TRPM4: variants seen among roughly 807,000 people sequenced by gnomAD.
TRPM4 encodes calcium-activated non-selective cation channel 1.
Under a neutral mutation model 135.6 loss-of-function variants are expected in TRPM4, and 124 were observed. The observed-to-expected ratio is 0.91, with a 90% CI of 0.79 to 1.06. The LOEUF (loss-of-function observed/expected upper bound fraction) is 1.06. Ranked by LOEUF, TRPM4 falls within the 50% of genes least tolerant of loss-of-function variation. The probability of loss-of-function intolerance (pLI) is 0.00; values close to 1 mark genes in which losing one functional copy is unlikely to be tolerated. For missense variants in TRPM4, 1,658 were observed against 1,671.4 expected (o/e 0.99, Z 0.14); for synonymous variants, 745 against 705.6 (o/e 1.06, Z -0.88).
chr19:49,182,895 T>C lies in TRPM4; in HGVS notation c.1581T>C (p.Pro527=). The change falls in exon 11 of 25, where the codon CCT becomes CCC. Residue 527 remains proline, a synonymous_variant. Coordinates refer to ENST00000252826, the MANE Select transcript of TRPM4 (RefSeq NM_017636.4). ...ACCCCTCCGGGGGCGCCTGGGACCC[T>C]CACCCAGGCCAGGGCTTCGGGGAGA... ...PRYPSGGAWD[P]HPGQGFGESM... is the part of the protein sequence containing the mutation. 1 of 1,599,574 alleles carries C rather than the reference T, an allele frequency of 6.3e-7. No homozygotes were observed. The highest frequency in any genetic ancestry group is 8.5e-7 in the Non-Finnish European group (1 of 1,172,798).
intron 9 of TRPM4, among the ~76,000 whole-genome samples, chr19:49,177,069 C>T (rs1600438615): frequency 6.6e-6 from 1 of 152,104 alleles, no homozygotes; most frequent in African/African-American, 2.4e-5. Context: ...ATTCCATTTC[C>T]TCTGGGGGTA....
chr19:49,211,277 TGTAGCATCAGC>T lies in TRPM4; in HGVS notation c.3640+9_3640+19del. 1 of 1,578,792 alleles carries T rather than the reference TGTAGCATCAGC, an allele frequency of 6.3e-7. No individual in the cohort carries two copies. The highest frequency in any genetic ancestry group is 8.6e-7 in the Non-Finnish European group (1 of 1,163,416). On this transcript the variant is annotated intron_variant, in intron 24 of 24. Transcript: ENST00000252826. The surrounding 1 kb of genome is among the most constrained non-coding windows in gnomAD (Gnocchi z 4.8). ...ACCTGCCTGGGTCCAAAGGTCAGTG[TGTAGCATCAGC>T]CTGTGCATCTCCAGCCTCTGTTCCT... is the stretch of plus-strand genomic sequence containing the variant.
intron 17 of TRPM4, 44 bp from the exon 18 acceptor site, chr19:49,200,256 C>G: frequency 6.2e-7 from 1 of 1,614,040 alleles, no homozygotes; most frequent in Non-Finnish European, 8.5e-7. Flanking sequence ...TTTTCCTTGG[C>G]GTCTTGTGAC....
Position 49,168,429 on chromosome 19 carries a change from A to T in TRPM4, c.612+6A>T, listed in dbSNP as rs779097169. ...ACACCCTCATCAACCCCAAGGTGTG[A>T]CCCAGGGACTTGGAAAAGGGGGCTG... On this transcript the variant is annotated splice_donor_region_variant and intron_variant, in intron 5 of 24. Coordinates refer to ENST00000252826, the MANE Select transcript of TRPM4 (RefSeq NM_017636.4). 1.2e-6 allele frequency: 2 copies of T among 1,613,838 alleles called. No homozygotes were observed. The highest frequency in any genetic ancestry group is 3.3e-5 in the Admixed American group (2 of 60,000).
intron 2 of TRPM4, among the ~76,000 whole-genome samples, chr19:49,161,322 T>TC (rs1966954154): frequency 1.2e-5 from 1 of 84,868 alleles, no homozygotes; most frequent in Non-Finnish European, 2.5e-5. Context: ...TGTCTCTCTC[T>TC]CTTTTTTTTT....
At position 49,200,367 on chromosome 19, in the gene TRPM4, C is replaced by T. The variant is rs767887106; in HGVS notation, c.2713C>T (p.Arg905Trp). ...LCIDFMVFTV[R>W]LLHIFTVNKQ... is the part of the protein sequence containing the mutation. ...CATCGACTTCATGGTTTTCACGGTGCGGCTGCTTCACATCTTCACGGTCAA... is the reference window on the plus strand; with the variant it reads ...CATCGACTTCATGGTTTTCACGGTGTGGCTGCTTCACATCTTCACGGTCAA... Residue 905 changes from arginine (R) to tryptophan (W), a missense_variant, in exon 18 of 25, where the codon CGG becomes TGG. Transcript: ENST00000252826. 6 of 1,612,974 alleles carry T rather than the reference C, an allele frequency of 3.7e-6. No individual in the cohort carries two copies. The highest frequency in any genetic ancestry group is 2.2e-5 in the South Asian group (2 of 91,030).
At chr19:49,169,336 A>G (rs1284785353) in intron 6 of TRPM4, among the ~76,000 whole-genome samples, 2 of 144,880 alleles carry the variant, frequency 1.4e-5, no homozygotes, top group South Asian at 5.0e-4. Flanking sequence ...CAGTGGCGCG[A>G]TCTCGGCTCA....
intron 2 of TRPM4, chr19:49,158,613 TTC>T: frequency 1.1e-5 from 3 of 280,406 alleles, no homozygotes; most frequent in Non-Finnish European, 6.8e-6. Flanking sequence ...CATTCATTCA[TTC>T]ATTCATCCAT....
Position 49,196,701 on chromosome 19 carries a change from G to A in TRPM4, c.2472G>A (p.Leu824=), listed in dbSNP as rs1421012523. ...TGCTCTATTTCTGGGCTTTCACGCT[G>A]CTGTGCGAGGAACTGCGCCAGGGCC... is the stretch of plus-strand genomic sequence containing the variant. ...ELLLYFWAFT[L]LCEELRQGLS... Residue 824 remains leucine (L), a synonymous_variant, in exon 17 of 25, where the codon CTG becomes CTA. Coordinates refer to ENST00000252826, the MANE Select transcript of TRPM4 (RefSeq NM_017636.4). 6.4e-7 allele frequency: 1 copy of A among 1,551,626 alleles called. No homozygotes were observed.
intron 2 of TRPM4, among the ~76,000 whole-genome samples, chr19:49,165,505 C>T (rs1354548185): frequency 6.6e-6 from 1 of 152,174 alleles, no homozygotes; most frequent in Non-Finnish European, 1.5e-5. Flanking sequence ...ATGCGAGCCT[C>T]ATTTCAGGAA....
Position 49,210,814 on chromosome 19 carries a change from T to TC in TRPM4, c.3435dup (p.Glu1146ArgfsTer38). On this transcript the variant is annotated frameshift_variant, in exon 22 of 25. Coordinates refer to ENST00000252826, the MANE Select transcript of TRPM4 (RefSeq NM_017636.4). LOFTEE classifies it high-confidence loss of function. The surrounding 1 kb of genome is among the most constrained non-coding windows in gnomAD (Gnocchi z 4.1). ...CGCTAGGGACAAGCGGGAGAGCGAC[T>TC]CCGAGCGTCTGAAGCGCACGTCCCA... 1 of 1,613,108 alleles carries TC rather than the reference T, an allele frequency of 6.2e-7. No individual in the cohort carries two copies. The highest frequency in any genetic ancestry group is 1.3e-5 in the African/African-American group (1 of 75,036).
chr19:49,166,822 C>A (rs550987892), intron 3 of TRPM4, among the ~76,000 whole-genome samples: 1 of 150,044 alleles, frequency 6.7e-6, no homozygotes, highest in Admixed American at 6.6e-5. Context: ...GTGTCTCTGT[C>A]CCCGTCTCTC....
At position 49,187,949 on chromosome 19, in the gene TRPM4, A is replaced by G. The variant is rs1365701754; in HGVS notation, c.1744-692A>G. 2.0e-5 allele frequency among the ~76,000 whole-genome samples: 3 copies of G among 152,166 alleles called. No homozygotes were observed. The East Asian group carries it at 5.8e-4, about 29-fold the overall frequency. ...TGGTGTCAGCTGATCCATCCAGTGC[A>G]GGGTCTGCAAACTATCTCAAGCACT... On this transcript the variant is annotated intron_variant, in intron 12 of 24. Coordinates refer to ENST00000252826, the MANE Select transcript of TRPM4 (RefSeq NM_017636.4).
rs1968959267 is a variant in TRPM4, at chr19:49,202,093, T to C, written c.3083T>C (p.Leu1028Pro). 1.9e-6 allele frequency: 3 copies of C among 1,614,024 alleles called. No individual in the cohort carries two copies. Among genetic ancestry groups the C allele is most frequent in the Admixed American group, 1.7e-5 (1 of 60,004 alleles). ...WLVVLLLVIF[L>P]LVANILLVNL... Reference sequence around the variant, plus strand: ...GTGGTGCTGCTCCTCGTCATCTTCCTGCTCGTGGCCAACATCCTGCTGGTC... The same window carrying C: ...GTGGTGCTGCTCCTCGTCATCTTCCCGCTCGTGGCCAACATCCTGCTGGTC... The change falls in exon 20 of 25, where the codon CTG becomes CCG. Residue 1028 changes from leucine to proline, a missense_variant. Physicochemically the swap from Leu to Pro is moderately conservative, Grantham distance 98 (BLOSUM62 -3). Around this residue, in one of 3 missense-constraint regions of TRPM4, gnomAD observed 1,412 missense variants for 1,408.7 expected, o/e 1.00. Coordinates refer to ENST00000252826, the MANE Select transcript of TRPM4 (RefSeq NM_017636.4).
At position 49,157,969 on chromosome 19, in the gene TRPM4, C is replaced by A. The variant is rs1270321470; in HGVS notation, c.24+79C>A. On this transcript the variant is annotated intron_variant, in intron 1 of 24. Coordinates refer to ENST00000252826, the MANE Select transcript of TRPM4 (RefSeq NM_017636.4). ...GGCTCCCAGAGAGGAGGGCGCTGGACACCCAGATTCCTGGGTCAGACGGAG... is the reference window on the plus strand; with the variant it reads ...GGCTCCCAGAGAGGAGGGCGCTGGAAACCCAGATTCCTGGGTCAGACGGAG... 2.7e-6 allele frequency: 4 copies of A among 1,471,420 alleles called. No individual in the cohort carries two copies. In the African/African-American group the frequency reaches 5.6e-5, roughly 20 times the overall value. The allele number at this position is 1,471,420 out of a possible 1,614,324, so 91.1% of individuals were successfully genotyped here. A position where few individuals can be genotyped will look rare whatever the true frequency, so the allele number is the denominator to read the frequency against.
chr19:49,165,921 C>G (rs974470371), intron 2 of TRPM4, 120 bp from the exon 3 acceptor site: 11 of 1,055,262 alleles, frequency 1.0e-5, no homozygotes, highest in Non-Finnish European at 1.4e-5. Context: ...GTGGACTCTG[C>G]CTGCCTCTGT....
chr19:49,157,831 C>T lies in TRPM4; in HGVS notation c.-36C>T. ...AGAGCCGGCGGAGGGAGCGCCGGGG[C>T]CCTGGGCTGCAGGAGGTTGCGGCGG... On this transcript the variant is annotated 5_prime_UTR_variant, in exon 1 of 25. Transcript: ENST00000252826. 2.0e-6 allele frequency: 3 copies of T among 1,533,930 alleles called. No homozygotes were observed. The highest frequency in any genetic ancestry group is 2.6e-6 in the Non-Finnish European group (3 of 1,145,960).
rs370515188 is a variant in TRPM4, at chr19:49,171,695, G to A, written c.976G>A (p.Ala326Thr). The change falls in exon 8 of 25, where the codon GCC (alanine) becomes ACC (threonine). Residue 326 changes from alanine to threonine, a missense_variant. Around this residue, in one of 3 missense-constraint regions of TRPM4, gnomAD observed 1,412 missense variants for 1,408.7 expected, o/e 1.00. Coordinates refer to ENST00000252826, the MANE Select transcript of TRPM4 (RefSeq NM_017636.4). The surrounding 1 kb of genome is among the most constrained non-coding windows in gnomAD (Gnocchi z 4.7). The stretch of plus-strand genomic sequence containing the variant: ...CACTCTGGCCCCAGGGAGTGGGGGA[G>A]CCAGGCAAGGCGAAGCCCGAGATCG... ...EDTLAPGSGG[A>T]RQGEARDRIR... The A allele has an allele frequency of 6.2e-7, 1 of 1,613,874 alleles. No individual in the cohort carries two copies. The highest frequency in any genetic ancestry group is 8.5e-7 in the Non-Finnish European group (1 of 1,180,020).
At chr19:49,178,125 G>A (rs1967772174) in intron 9 of TRPM4, among the ~76,000 whole-genome samples, 1 of 152,194 alleles carries the variant, frequency 6.6e-6, no homozygotes, top group African/African-American at 2.4e-5. Flanking sequence ...GAGCCCAGGA[G>A]TTTGAGACCA....
Sources: allele counts gnomAD v4.1 joint callset (sites outside exome capture counted in the v4.1 genomes callset), GRCh38; gene constraint gnomAD v4.1.1; regional missense constraint gnomAD v4.1.1; non-coding constraint Gnocchi (gnomAD v3.1); transcripts MANE v1.5; gene names NCBI Gene and HGNC (gene_info 2026-07-23, HGNC 2026-07-21).